PRKCA: variants seen among roughly 807,000 people sequenced by gnomAD.
PRKCA encodes protein kinase C alpha.
A neutral mutation model predicts 87.0 loss-of-function variants in PRKCA; 27 were observed. The ratio of observed to expected loss-of-function variants is 0.31; its 90% CI spans 0.23 to 0.43. The LOEUF (loss-of-function observed/expected upper bound fraction) is 0.43. Among genes scored for constraint, PRKCA ranks in the 20% least tolerant of loss-of-function variants. PRKCA has a pLI of 1.00. For synonymous variants in PRKCA, 329 were observed against 311.1 expected (o/e 1.06, Z -0.61); for missense variants, 518 against 852.3 (o/e 0.61, Z 4.88).
At chr17:66,725,550 C>T (rs1389992290) in intron 8 of PRKCA, among the ~76,000 whole-genome samples, 5 of 151,938 alleles carry the variant, frequency 3.3e-5, no homozygotes, top group African/African-American at 1.2e-4. Context: ...GTGGCTCACA[C>T]CTATAATCCC....
chr17:66,426,637 C>T (rs1912823665), intron 2 of PRKCA, among the ~76,000 whole-genome samples: 1 of 152,198 alleles, frequency 6.6e-6, no homozygotes, highest in Non-Finnish European at 1.5e-5. Flanking sequence ...TTTTGTTCAA[C>T]TGTCCAACCC....
chr17:66,425,243 G>T (rs927226438), intron 2 of PRKCA, among the ~76,000 whole-genome samples: 1 of 151,946 alleles, frequency 6.6e-6, no homozygotes, highest in African/African-American at 2.4e-5. Flanking sequence ...CAGACAGGCC[G>T]CATCCCTGCG....
intron 7 of PRKCA, 68 bp from the exon 8 acceptor site, chr17:66,688,883 C>T (rs16960016): frequency 0.069 from 68,836 of 995,890 alleles, 2,752 homozygotes; most frequent in South Asian, 0.14. Context: ...CAAAACCGCT[C>T]GACTAGAGGC....
At chr17:66,687,074 CT>C in intron 5 of PRKCA, 36 bp from the exon 6 acceptor site, 1 of 1,562,566 alleles carries the variant, frequency 6.4e-7, no homozygotes, top group Non-Finnish European at 8.8e-7. Context: ...TAGGTCTGTT[CT>C]CTTTTTGTAA....
At chr17:66,771,220 G>T (rs1387157628) in intron 13 of PRKCA, among the ~76,000 whole-genome samples, 1 of 152,040 alleles carries the variant, frequency 6.6e-6, no homozygotes, top group Non-Finnish European at 1.5e-5. Context: ...GGCCAGGCTG[G>T]CCTCAACCTC....
intron 2 of PRKCA, among the ~76,000 whole-genome samples, chr17:66,471,645 A>ATTT (rs554913573): frequency 0.05 from 6,922 of 137,818 alleles, 570 homozygotes; most frequent in African/African-American, 0.17. Context: ...CTGTTTTCTA[A>ATTT]TTTTTTTTTT....
chr17:66,516,167 G>A (rs564380597), intron 3 of PRKCA, among the ~76,000 whole-genome samples: 87 of 152,276 alleles, frequency 5.7e-4, no homozygotes, highest in Middle Eastern at 3.4e-3. Context: ...TGAGGGAGGC[G>A]GGGCTCCTCT....
chr17:66,470,129 C>G (rs1915257053), intron 2 of PRKCA, among the ~76,000 whole-genome samples: 1 of 149,720 alleles, frequency 6.7e-6, no homozygotes. Context: ...CTCAGGGTCA[C>G]ATGAAGGAGA....
intron 3 of PRKCA, among the ~76,000 whole-genome samples, chr17:66,560,734 C>T (rs558475026): frequency 2.6e-5 from 4 of 152,332 alleles, no homozygotes; most frequent in African/African-American, 9.6e-5. Context: ...ATGTTCGAAT[C>T]ACCTGAGGAA....
chr17:66,688,447 C>T lies in PRKCA; in HGVS notation c.821+11C>T, dbSNP rs1010546. ...GCCGGCCAGTGGATGGTATGGAAGC[C>T]GCTTAGGTTGAGTATGTCTCAAAGC... is the stretch of plus-strand genomic sequence containing the variant. On this transcript the variant is annotated intron_variant, in intron 7 of 16. Transcript: ENST00000413366. 0.13 allele frequency: 215,931 copies of T among 1,613,594 alleles called. 15,375 individuals carry two copies. Among genetic ancestry groups the T allele is most frequent in the South Asian group, 0.18 (16,800 of 91,026 alleles).
rs986228007 is a variant in PRKCA at position 66,389,170 on chromosome 17, A to C, written c.205+83043A>C. Among the ~76,000 whole-genome samples the C allele has an allele frequency of 3.3e-5, 5 of 152,318 alleles. No individual in the cohort carries two copies. In the East Asian group the frequency reaches 9.6e-4, roughly 29 times the overall value. ...GATAAACGTGGCTTTCCTTTTCCTT[A>C]CATCTTCCTGCAACACCCTTCACAA... On this transcript the variant is annotated intron_variant, in intron 2 of 16. Transcript: ENST00000413366.
chr17:66,752,172 C>T (rs544457699), intron 13 of PRKCA, among the ~76,000 whole-genome samples: 3 of 152,306 alleles, frequency 2.0e-5, no homozygotes, highest in African/African-American at 7.2e-5. Flanking sequence ...TTTGAGGGCT[C>T]AGTGAGTCTG....
chr17:66,490,643 T>G (rs1248309865), intron 2 of PRKCA, among the ~76,000 whole-genome samples: 1 of 151,666 alleles, frequency 6.6e-6, no homozygotes, highest in Non-Finnish European at 1.5e-5. Flanking sequence ...TGCAGTGGTG[T>G]GATCTCAGCT....
intron 5 of PRKCA, among the ~76,000 whole-genome samples, chr17:66,671,524 C>T (rs781332292): frequency 3.3e-5 from 5 of 151,972 alleles, no homozygotes; most frequent in African/African-American, 4.8e-5. Flanking sequence ...CTTGTGGGTA[C>T]GAATATTGAG....
Position 66,340,732 on chromosome 17 carries a change from C to G in PRKCA, c.205+34605C>G, listed in dbSNP as rs138967593. On this transcript the variant is annotated intron_variant, in intron 2 of 16. Transcript: ENST00000413366. ...AGCAATGCTTCTCTGGATTTGGATA[C>G]TTGAGAAATCCTTTATTTAGAAGTC... Among the ~76,000 whole-genome samples the G allele has an allele frequency of 1.2e-4, 18 of 152,270 alleles. No homozygotes were observed. In the East Asian group the frequency reaches 3.5e-3, roughly 29 times the overall value.
At chr17:66,773,276 C>T (rs1293746410) in intron 13 of PRKCA, among the ~76,000 whole-genome samples, 1 of 152,110 alleles carries the variant, frequency 6.6e-6, no homozygotes, top group African/African-American at 2.4e-5. Flanking sequence ...GCTCTAGATA[C>T]TATATTTGCT....
intron 2 of PRKCA, among the ~76,000 whole-genome samples, chr17:66,346,424 A>T (rs1477253305): frequency 6.6e-6 from 1 of 151,444 alleles, no homozygotes; most frequent in Non-Finnish European, 1.5e-5. Flanking sequence ...TTAAAAAAAA[A>T]AAATTAGAGA....
At chr17:66,588,365 A>G (rs1006007778) in intron 3 of PRKCA, among the ~76,000 whole-genome samples, 6 of 152,218 alleles carry the variant, frequency 3.9e-5, no homozygotes, top group African/African-American at 1.4e-4. Flanking sequence ...AATTCCTTAC[A>G]TATTCTGGAT....
chr17:66,488,521 G>A (rs1916084804), intron 2 of PRKCA, among the ~76,000 whole-genome samples: 1 of 152,104 alleles, frequency 6.6e-6, no homozygotes, highest in South Asian at 2.1e-4. Context: ...TTCTTGACTC[G>A]CCTTTCCTTC....
Sources: gnomAD v4.1 joint callset for allele counts (sites outside exome capture counted in the v4.1 genomes callset) on GRCh38, gnomAD v4.1.1 for gene constraint, MANE v1.5 for transcripts, NCBI Gene and HGNC (gene_info 2026-07-23, HGNC 2026-07-21) for gene names.